Variants in FAT3 observed in about 807,000 individuals in gnomAD.
FAT3 encodes the protein protocadherin Fat 3.
Under a neutral mutation model 310.2 loss-of-function variants are expected in FAT3, and 95 were observed. That is an observed-to-expected ratio of 0.31 (90% CI 0.26 to 0.36). The LOEUF (loss-of-function observed/expected upper bound fraction) is 0.36, where lower values mean the gene tolerates loss of function less well. Among genes scored for constraint, FAT3 ranks in the 10% least tolerant of loss-of-function variants. The pLI, the probability that FAT3 is intolerant of heterozygous loss-of-function variation, is 1.00. For missense variants in FAT3, 5,408 were observed against 5,715.6 expected, an observed-to-expected ratio of 0.95 and a Z score of 1.74; for synonymous variants, 2,314 against 2,192.9, an observed-to-expected ratio of 1.06 and a Z score of -1.54.
At chr11:92,862,625 G>T (rs1349912105) in intron 21 of FAT3, among the ~76,000 whole-genome samples, 1 of 152,144 alleles carries the variant, frequency 6.6e-6, no homozygotes, top group Non-Finnish European at 1.5e-5. Flanking sequence ...CAGCCCACTT[G>T]GCATGGCCAG....
chr11:92,796,973 C>A (rs902252180), intron 9 of FAT3, among the ~76,000 whole-genome samples: 1 of 152,176 alleles, frequency 6.6e-6, no homozygotes, highest in South Asian at 2.1e-4. Context: ...AGGATTATGT[C>A]TCAGGTTCTT....
intron 3 of FAT3, among the ~76,000 whole-genome samples, chr11:92,601,360 G>A: frequency 6.6e-6 from 1 of 152,134 alleles, no homozygotes; most frequent in Non-Finnish European, 1.5e-5. Flanking sequence ...AGGAGTTTGA[G>A]ACCAGCCTGG....
chr11:92,263,148 A>C (rs988354131), intron 1 of FAT3, among the ~76,000 whole-genome samples: 1 of 151,766 alleles, frequency 6.6e-6, no homozygotes, highest in Non-Finnish European at 1.5e-5. Flanking sequence ...AGAGTTGACC[A>C]TTTGTGTAGT....
At chr11:92,560,419 G>C (rs1955181217) in intron 3 of FAT3, among the ~76,000 whole-genome samples, 1 of 151,750 alleles carries the variant, frequency 6.6e-6, no homozygotes, top group South Asian at 2.1e-4. Flanking sequence ...AAGAACAATG[G>C]GTTTTCATTT....
At chr11:92,501,565 C>G (rs1307228788) in intron 2 of FAT3, among the ~76,000 whole-genome samples, 3 of 151,952 alleles carry the variant, frequency 2.0e-5, no homozygotes, top group Admixed American at 2.0e-4. Context: ...GGAATTTCAA[C>G]AGTCATTTGT....
intron 4 of FAT3, among the ~76,000 whole-genome samples, chr11:92,731,734 C>T (rs552932301): frequency 1.3e-5 from 2 of 151,294 alleles, no homozygotes; most frequent in Non-Finnish European, 2.9e-5. Context: ...AGTAAGAAGA[C>T]CCCCCAAGGG....
At chr11:92,591,908 T>C (rs1939444522) in intron 3 of FAT3, among the ~76,000 whole-genome samples, 1 of 152,230 alleles carries the variant, frequency 6.6e-6, no homozygotes, top group Non-Finnish European at 1.5e-5. Flanking sequence ...GTATTCATTC[T>C]TGAGTTTGAG....
chr11:92,454,574 G>A (rs1353917714), intron 2 of FAT3, among the ~76,000 whole-genome samples: 4 of 152,148 alleles, frequency 2.6e-5, no homozygotes, highest in Non-Finnish European at 4.4e-5. Flanking sequence ...CTTAATGGAA[G>A]TCAGCAGGAA....
chr11:92,743,316 A>C (rs921763290), intron 4 of FAT3, among the ~76,000 whole-genome samples: 16 of 152,222 alleles, frequency 1.1e-4, no homozygotes, highest in African/African-American at 3.6e-4. Context: ...GAGCCAGTAA[A>C]GACCTTTCAG....
rs1238181195 is a variant in FAT3, at chr11:92,524,726, T to C, written c.3385T>C (p.Tyr1129His). The C allele has an allele frequency of 1.2e-6, 2 of 1,613,754 alleles. No individual in the cohort carries two copies. Among genetic ancestry groups the C allele is most frequent in the African/African-American group, 1.3e-5 (1 of 74,912 alleles). ...CACAGACAGGGGCGTTGTTCCACTC[T>C]ACTCCACCATTGAGGTCTACATTGA... is the stretch of plus-strand genomic sequence containing the variant. ...YATDRGVVPL[Y>H]STIEVYIEVE... Residue 1129 changes from tyrosine (Y) to histidine (H), a missense_variant, in exon 3 of 28, where the codon TAC becomes CAC. By Grantham distance (83) the Tyr-to-His change is moderately conservative (BLOSUM62 2). This residue lies in a region of FAT3 where 4,588 missense variants were observed against 4,809.8 expected (regional missense o/e 0.95). Transcript: ENST00000525166.
intron 2 of FAT3, among the ~76,000 whole-genome samples, chr11:92,437,074 G>A (rs1950955745): frequency 6.6e-6 from 1 of 152,094 alleles, no homozygotes; most frequent in Non-Finnish European, 1.5e-5. Flanking sequence ...TCAATGTGTT[G>A]TGATTTTTTA....
chr11:92,465,643 C>T (rs540807085), intron 2 of FAT3, among the ~76,000 whole-genome samples: 1 of 152,204 alleles, frequency 6.6e-6, no homozygotes, highest in East Asian at 1.9e-4. Flanking sequence ...TGTTCTCACT[C>T]ATAGGTGGGA....
intron 2 of FAT3, among the ~76,000 whole-genome samples, chr11:92,432,051 T>C (rs571163238): frequency 1.3e-5 from 2 of 152,296 alleles, no homozygotes; most frequent in Admixed American, 1.3e-4. Flanking sequence ...ATTGGTAGCT[T>C]GATGGGGATG....
At chr11:92,327,902 T>G (rs753356412) in intron 1 of FAT3, among the ~76,000 whole-genome samples, 1 of 152,242 alleles carries the variant, frequency 6.6e-6, no homozygotes, top group African/African-American at 2.4e-5. Context: ...GCTCTTGATC[T>G]AAACAGTTAC....
chr11:92,485,173 T>C (rs1389694956), intron 2 of FAT3, among the ~76,000 whole-genome samples: 2 of 152,268 alleles, frequency 1.3e-5, no homozygotes, highest in Non-Finnish European at 2.9e-5. Flanking sequence ...AATAATGTAA[T>C]GAAAACAGGC....
chr11:92,353,237 A>G lies in FAT3; in HGVS notation c.1125A>G (p.Arg375=), dbSNP rs369427358. 2 of 1,613,626 alleles carry G rather than the reference A, an allele frequency of 1.2e-6. No individual in the cohort carries two copies. Among genetic ancestry groups the G allele is most frequent in the African/African-American group, 2.7e-5 (2 of 74,922 alleles). The part of the protein sequence containing the change: ...GNPTRDTVPI[R]FEKEVYDVSI... ...CCACAAGAGACACTGTCCCCATTAG[A>G]TTTGAAAAAGAAGTGTACGATGTGA... Residue 375 remains arginine, a synonymous_variant, in exon 2 of 28, where the codon AGA becomes AGG. Transcript: ENST00000525166.
chr11:92,310,767 A>G (rs1421124692), intron 1 of FAT3, among the ~76,000 whole-genome samples: 1 of 151,908 alleles, frequency 6.6e-6, no homozygotes, highest in African/African-American at 2.4e-5. Context: ...AGTTTCCACG[A>G]CAATATTTAT....
At chr11:92,549,912 A>T (rs979181024) in intron 3 of FAT3, among the ~76,000 whole-genome samples, 49 of 152,152 alleles carry the variant, frequency 3.2e-4, no homozygotes, top group African/African-American at 1.0e-3. Context: ...TTTCATTCCA[A>T]TAAGCCAGAG....
At chr11:92,297,631 C>G (rs1371786454) in intron 1 of FAT3, among the ~76,000 whole-genome samples, 1 of 152,078 alleles carries the variant, frequency 6.6e-6, no homozygotes, top group Non-Finnish European at 1.5e-5. Context: ...CATTAATTTT[C>G]CCCTCCAAAT....
Sources: gnomAD v4.1 joint callset for allele counts (sites outside exome capture counted in the v4.1 genomes callset) on GRCh38, gnomAD v4.1.1 for gene constraint, gnomAD v4.1.1 regional missense constraint, MANE v1.5 for transcripts, NCBI Gene and HGNC (gene_info 2026-07-23, HGNC 2026-07-21) for gene names.